The following RALGPS1 variants were observed in gnomAD, a reference collection of about 807,000 sequenced individuals.
RALGPS1 encodes Ral GEF with PH domain and SH3 binding motif 1.
Under a neutral mutation model 78.8 loss-of-function variants are expected in RALGPS1, and 19 were observed. The observed-to-expected ratio is 0.24, with a 90% CI of 0.17 to 0.35. RALGPS1 has a LOEUF of 0.35. RALGPS1 is among the 10% of genes least tolerant of loss of function. The pLI is 1.00. For missense variants in RALGPS1, 454 were observed against 688.3 expected (o/e 0.66, Z 3.81); for synonymous variants, 228 against 256.3 (o/e 0.89, Z 1.06).
At chr9:126,968,492 A>G (rs928019436) in intron 3 of RALGPS1, among the ~76,000 whole-genome samples, 3 of 152,228 alleles carry the variant, frequency 2.0e-5, no homozygotes, top group Non-Finnish European at 2.9e-5. Context: ...AGCAACTCCT[A>G]TTTTTGAACA....
At chr9:127,013,531 A>G (rs374969747) in intron 4 of RALGPS1, among the ~76,000 whole-genome samples, 9 of 151,874 alleles carry the variant, frequency 5.9e-5, no homozygotes, top group East Asian at 1.9e-4. Context: ...CCCACACCCT[A>G]TCTTCCCCTT....
intron 4 of RALGPS1, among the ~76,000 whole-genome samples, chr9:127,011,851 C>T (rs1468914931): frequency 2.6e-5 from 4 of 152,196 alleles, no homozygotes; most frequent in Admixed American, 2.6e-4. Flanking sequence ...CCTGGCAGCC[C>T]CTGCCTGCCT....
chr9:127,062,473 A>G (rs1396544858), intron 7 of RALGPS1, among the ~76,000 whole-genome samples: 1 of 152,192 alleles, frequency 6.6e-6, no homozygotes, highest in Non-Finnish European at 1.5e-5. Context: ...GTTTTATTTA[A>G]CTCATTGATT....
chr9:127,186,125 G>A (rs1201583957), intron 11 of RALGPS1, among the ~76,000 whole-genome samples: 1 of 152,222 alleles, frequency 6.6e-6, no homozygotes, highest in Non-Finnish European at 1.5e-5. Flanking sequence ...TGAGAGGTCT[G>A]TTGGGCAGCC....
intron 8 of RALGPS1, among the ~76,000 whole-genome samples, chr9:127,143,694 C>T (rs928202383): frequency 7.2e-5 from 11 of 152,194 alleles, no homozygotes; most frequent in African/African-American, 2.2e-4. Flanking sequence ...AATGCAGACT[C>T]TGTGCTTCTG....
chr9:127,182,371 TCCC>T (rs1278278439), intron 11 of RALGPS1, among the ~76,000 whole-genome samples: 60,298 of 124,760 alleles, frequency 0.48, 14,352 homozygotes, highest in Non-Finnish European at 0.51. Context: ...CCTTCCTTCC[TCCC>T]TCCCTCCCTC....
intron 7 of RALGPS1, among the ~76,000 whole-genome samples, chr9:127,053,285 G>T (rs2048447763): frequency 6.6e-6 from 1 of 152,128 alleles, no homozygotes; most frequent in Non-Finnish European, 1.5e-5. Context: ...CCTTGGGAAG[G>T]TCTCTGGGCT....
At chr9:127,201,518 G>A (rs890043472) in intron 14 of RALGPS1, among the ~76,000 whole-genome samples, 7 of 152,204 alleles carry the variant, frequency 4.6e-5, no homozygotes, top group Non-Finnish European at 7.3e-5. Flanking sequence ...ATCCACACTC[G>A]CAAAAGCAAA....
At chr9:126,960,181 TCCC>T (rs2038745588) in intron 1 of RALGPS1, among the ~76,000 whole-genome samples, 7 of 24,042 alleles carry the variant, frequency 2.9e-4, no homozygotes, top group Non-Finnish European at 4.7e-4. Context: ...CCTCCCTCCC[TCCC>T]TCCCTCCCTT....
At chr9:127,041,775 TGAG>T (rs144220159) in intron 5 of RALGPS1, among the ~76,000 whole-genome samples, 264 of 152,218 alleles carry the variant, frequency 1.7e-3, no homozygotes, top group African/African-American at 6.1e-3. Context: ...TTCAAGCAAT[TGAG>T]GAGTTCTTAA....
At chr9:127,048,412 A>G (rs893396033) in intron 5 of RALGPS1, among the ~76,000 whole-genome samples, 10 of 152,150 alleles carry the variant, frequency 6.6e-5, no homozygotes, top group African/African-American at 2.4e-4. Context: ...TTCCATGGCC[A>G]CTATTACCAG....
chr9:126,951,620 G>C (rs1188939632), intron 1 of RALGPS1, among the ~76,000 whole-genome samples: 4 of 151,480 alleles, frequency 2.6e-5, no homozygotes, highest in African/African-American at 9.7e-5. Context: ...ATTCAACAAC[G>C]CTTCATGCTA....
chr9:127,205,520 C>T lies in RALGPS1; in HGVS notation c.1247+6454C>T, dbSNP rs991824132. Among the ~76,000 whole-genome samples the T allele has an allele frequency of 6.6e-6, 1 of 152,212 alleles. No homozygotes were observed. The highest frequency in any genetic ancestry group is 1.5e-5 in the Non-Finnish European group (1 of 68,038). On this transcript the variant is annotated intron_variant, in intron 14 of 18. Coordinates refer to ENST00000259351, the MANE Select transcript of RALGPS1 (RefSeq NM_014636.3). The surrounding 1 kb of genome is among the most constrained non-coding windows in gnomAD (Gnocchi z 4.0). The stretch of plus-strand genomic sequence containing the variant: ...TTTTTGCTTGACTCTGTTTTCGAGC[C>T]CTGCCAGGCAGCTGTTGCTGCTTCA...
chr9:126,980,805 G>A (rs892516091), intron 4 of RALGPS1, among the ~76,000 whole-genome samples: 12 of 152,180 alleles, frequency 7.9e-5, no homozygotes, highest in African/African-American at 2.9e-4. Context: ...AGCCCCTGTT[G>A]CATGTGGGTG....
chr9:127,122,430 C>G lies in RALGPS1; in HGVS notation c.611-43639C>G, dbSNP rs2056213164. On this transcript the variant is annotated intron_variant, in intron 8 of 18. Coordinates refer to ENST00000259351, the MANE Select transcript of RALGPS1 (RefSeq NM_014636.3). This position sits in a 1 kb window ranked among gnomAD's most constrained non-coding sequence, Gnocchi z 6.4. ...TCCTGAGTTGCAGGCCGGTGGCTGC[C>G]AAGCAGCCCTGCCTCACTGGGCTCC... The G allele has an allele frequency of 6.6e-6, 1 of 152,484 alleles. No individual in the cohort carries two copies. Among genetic ancestry groups the G allele is most frequent in the Non-Finnish European group, 1.5e-5 (1 of 68,280 alleles). 9.4% of individuals were successfully genotyped at this position (152,484 alleles called of 1,614,324 possible).
intron 8 of RALGPS1, among the ~76,000 whole-genome samples, chr9:127,125,841 C>T (rs755883569): frequency 3.9e-5 from 6 of 152,126 alleles, no homozygotes; most frequent in African/African-American, 1.2e-4. Flanking sequence ...TCAGTAAATG[C>T]GTGACATTTA....
At chr9:126,934,959 A>T (rs1034709525) in intron 1 of RALGPS1, among the ~76,000 whole-genome samples, 40 of 152,284 alleles carry the variant, frequency 2.6e-4, no homozygotes, top group African/African-American at 9.6e-4. Context: ...GGGTGAAGGA[A>T]TGTGAAGACA....
intron 7 of RALGPS1, 63 bp downstream of exon 7, chr9:127,053,002 TC>T: frequency 8.8e-7 from 1 of 1,132,178 alleles, no homozygotes; most frequent in Non-Finnish European, 1.3e-6. Context: ...AGTTCTTCAT[TC>T]CACAAGCCCC....
chr9:127,092,867 A>G (rs760913844), intron 8 of RALGPS1, among the ~76,000 whole-genome samples: 10 of 152,132 alleles, frequency 6.6e-5, no homozygotes, highest in South Asian at 6.2e-4. Context: ...AGGAGACTCA[A>G]GAAGGGGCAT....
Sources: allele counts gnomAD v4.1 joint callset (sites outside exome capture counted in the v4.1 genomes callset), GRCh38; gene constraint gnomAD v4.1.1; non-coding constraint Gnocchi (gnomAD v3.1); transcripts MANE v1.5; gene names NCBI Gene and HGNC (gene_info 2026-07-23, HGNC 2026-07-21).